Variants in UPF3A observed in about 807,000 individuals in gnomAD.
UPF3A encodes the protein UPF3A regulator of nonsense mediated mRNA decay.
A neutral mutation model predicts 53.5 loss-of-function variants in UPF3A; 42 were observed. The ratio of observed to expected loss-of-function variants is 0.78; its 90% CI spans 0.61 to 1.01. UPF3A has a LOEUF of 1.01. UPF3A is among the 50% of genes least tolerant of loss of function. The probability of loss-of-function intolerance (pLI) is 0.00; values close to 1 mark genes in which losing one functional copy is unlikely to be tolerated. For synonymous variants in UPF3A, 237 were observed against 225.3 expected (o/e 1.05, Z -0.47); for missense variants, 575 against 598.0 (o/e 0.96, Z 0.40).
intron 7 of UPF3A, among the ~76,000 whole-genome samples, chr13:114,296,150 C>T (rs917891967): frequency 3.3e-5 from 5 of 152,192 alleles, no homozygotes; most frequent in African/African-American, 7.2e-5. Flanking sequence ...TTTGGGGGGC[C>T]AAGGCAGGTG....
At chr13:114,301,417 C>T (rs2086592601) in intron 8 of UPF3A, among the ~76,000 whole-genome samples, 1 of 151,468 alleles carries the variant, frequency 6.6e-6, no homozygotes, top group Admixed American at 6.6e-5. Context: ...GAGCTGAGAT[C>T]CCGCCATTTT....
At chr13:114,284,383 A>ATG (rs35035838) in intron 3 of UPF3A, among the ~76,000 whole-genome samples, 35,874 of 150,358 alleles carry the variant, frequency 0.24, 5,941 homozygotes, top group African/African-American at 0.48. Context: ...GTGTATGTAT[A>ATG]TGTGTGTGTG....
At chr13:114,295,443 T>TCTCCAGCGGCTCTGGCC (rs1555373286) in intron 7 of UPF3A, among the ~76,000 whole-genome samples, 1 of 45,012 alleles carries the variant, frequency 2.2e-5, no homozygotes, top group Non-Finnish European at 4.5e-5. Context: ...GGCCTGCTGG[T>TCTCCAGCGGCTCTGGCC]TTCTCATGAA....
chr13:114,289,049 A>AG (rs1353080318), intron 5 of UPF3A, among the ~76,000 whole-genome samples: 2 of 150,814 alleles, frequency 1.3e-5, no homozygotes, highest in African/African-American at 2.4e-5. Context: ...GGGTGGGGAG[A>AG]GGGGGGCATG....
intron 8 of UPF3A, 148 bp from the exon 9 acceptor site, chr13:114,301,583 T>C (rs775823041): frequency 2.5e-5 from 16 of 650,710 alleles, no homozygotes; most frequent in Non-Finnish European, 4.0e-5. Context: ...CAACGCCTGC[T>C]GTGTGCCCAT....
chr13:114,282,254 A>C, intron 2 of UPF3A, 127 bp downstream of exon 2: 1 of 877,538 alleles, frequency 1.1e-6, no homozygotes, highest in Non-Finnish European at 1.7e-6. Flanking sequence ...TTTTTGAATA[A>C]ATACATTTCA....
intron 5 of UPF3A, 151 bp from the exon 6 acceptor site, chr13:114,291,338 A>G: frequency 1.5e-6 from 1 of 650,406 alleles, no homozygotes; most frequent in Non-Finnish European, 2.4e-6. Context: ...CCTGACAGTA[A>G]TGGAATAAAA....
At chr13:114,302,052 T>C (rs752255654) in intron 9 of UPF3A, 27 bp downstream of exon 9, 14 of 1,499,026 alleles carry the variant, frequency 9.3e-6, no homozygotes, top group Admixed American at 7.1e-5. Flanking sequence ...AAAAGAAAAA[T>C]GTGTCTGGCT....
chr13:114,300,826 G>T (rs9590515), intron 8 of UPF3A, among the ~76,000 whole-genome samples: 1 of 150,900 alleles, frequency 6.6e-6, no homozygotes, highest in Non-Finnish European at 1.5e-5. Context: ...GGTGTGAGCC[G>T]CTGTGCCTGG....
chr13:114,303,448 G>C (rs2086773644), intron 9 of UPF3A, among the ~76,000 whole-genome samples: 1 of 152,164 alleles, frequency 6.6e-6, no homozygotes, highest in South Asian at 2.1e-4. Context: ...TCTAAGGTCA[G>C]GCTCCATGCT....
Position 114,295,572 on chromosome 13 carries a change from G to A in UPF3A, c.847-3268G>A, listed in dbSNP as rs939865862. Among the ~76,000 whole-genome samples, 3 of 152,346 alleles carry A rather than the reference G, an allele frequency of 2.0e-5. No individual in the cohort carries two copies. In the South Asian group the frequency reaches 6.2e-4, roughly 32 times the overall value. ...AGTTCCCGTCTTGGCTCTGCAGAGA[G>A]CCCTCCTGGGCCCTCCTCTTCCTGC... On this transcript the variant is annotated intron_variant, in intron 7 of 9. Coordinates refer to ENST00000375299, the MANE Select transcript of UPF3A (RefSeq NM_023011.4).
intron 5 of UPF3A, chr13:114,287,293 C>G (rs1385333199): frequency 6.6e-6 from 1 of 152,556 alleles, no homozygotes; most frequent in Non-Finnish European, 1.5e-5. Flanking sequence ...GGTTCTTCAC[C>G]TCTCATCTCT....
intron 7 of UPF3A, 39 bp downstream of exon 7, chr13:114,291,831 T>C: frequency 6.4e-7 from 1 of 1,552,730 alleles, no homozygotes; most frequent in Non-Finnish European, 8.7e-7. Context: ...CAAAAATAGC[T>C]CTGCTATAGT....
chr13:114,298,736 A>G, intron 7 of UPF3A, 104 bp from the exon 8 acceptor site: 1 of 1,174,558 alleles, frequency 8.5e-7, no homozygotes, highest in Non-Finnish European at 1.1e-6. Flanking sequence ...TTGCTGTGCA[A>G]ACATTTGGCT....
Position 114,292,875 on chromosome 13 carries a change from T to C in UPF3A, c.846+1083T>C, listed in dbSNP as rs1163569293. Among the ~76,000 whole-genome samples the C allele has an allele frequency of 5.3e-5, 8 of 151,494 alleles. No homozygotes were observed. In the East Asian group the frequency reaches 1.2e-3, roughly 22 times the overall value. On this transcript the variant is annotated intron_variant, in intron 7 of 9. Coordinates refer to ENST00000375299, the MANE Select transcript of UPF3A (RefSeq NM_023011.4). ...AGATCACGAGGTCAGGAGTTCGAGA[T>C]CACCCTGACTAACATGGTGAAACCC...
At chr13:114,286,750 A>G in intron 5 of UPF3A, 121 bp downstream of exon 5, 1 of 761,432 alleles carries the variant, frequency 1.3e-6, no homozygotes, top group African/African-American at 1.8e-5. Context: ...CTTGACAGAA[A>G]TGTAGAGTGA....
Position 114,304,984 on chromosome 13 carries a change from G to A in UPF3A, c.*67G>A, listed in dbSNP as rs760687758. ...CCCAGAAACGTGTAAATGACCCCGA[G>A]TGTGACTGGGAAGGAGAACTTATTC... On this transcript the variant is annotated 3_prime_UTR_variant, in exon 10 of 10. Coordinates refer to ENST00000375299, the MANE Select transcript of UPF3A (RefSeq NM_023011.4). 4 of 1,552,796 alleles carry A rather than the reference G, an allele frequency of 2.6e-6. No individual in the cohort carries two copies. Among genetic ancestry groups the A allele is most frequent in the African/African-American group, 2.8e-5 (2 of 72,718 alleles).
rs1441044618 is a variant in UPF3A, at chr13:114,281,609, C to T, written c.-31C>T. 4.3e-6 allele frequency: 6 copies of T among 1,402,582 alleles called. No homozygotes were observed. The highest frequency in any genetic ancestry group is 5.9e-5 in the East Asian group (2 of 34,150). The allele number at this position is 1,402,582 out of a possible 1,614,324, so 86.9% of individuals were successfully genotyped here. On this transcript the variant is annotated 5_prime_UTR_variant, in exon 1 of 10. Coordinates refer to ENST00000375299, the MANE Select transcript of UPF3A (RefSeq NM_023011.4). The stretch of plus-strand genomic sequence containing the variant: ...AGCTCTCGCGAGGTTTCGTCGGGGG[C>T]TGGCGGCTGCGGCTCGGCGGAGAGT...
chr13:114,297,143 G>T (rs2086122461), intron 7 of UPF3A, among the ~76,000 whole-genome samples: 2 of 152,042 alleles, frequency 1.3e-5, no homozygotes, highest in African/African-American at 4.8e-5. Context: ...TTGCTATGCT[G>T]CAATTATGAG....
Sources: gnomAD v4.1 joint callset for allele counts (sites outside exome capture counted in the v4.1 genomes callset) on GRCh38, gnomAD v4.1.1 for gene constraint, MANE v1.5 for transcripts, NCBI Gene and HGNC (gene_info 2026-07-23, HGNC 2026-07-21) for gene names.